NDE1: variants seen among roughly 807,000 people sequenced by gnomAD.
NDE1 encodes nuclear distribution protein nudE homolog 1.
In NDE1, 28 loss-of-function variants were observed where a neutral mutation model predicts 43.4. That is an observed-to-expected ratio of 0.65 (90% CI 0.48 to 0.89). The LOEUF (loss-of-function observed/expected upper bound fraction) is 0.89, where lower values mean the gene tolerates loss of function less well. NDE1 is among the 40% of genes least tolerant of loss of function. The pLI is 0.00. For synonymous variants in NDE1, 184 were observed against 172.0 expected (o/e 1.07, Z -0.55); for missense variants, 441 against 434.1 (o/e 1.02, Z -0.14).
chr16:15,699,074 C>T (rs1368322816), intron 8 of NDE1, among the ~76,000 whole-genome samples: 2 of 151,390 alleles, frequency 1.3e-5, no homozygotes, highest in African/African-American at 2.4e-5. Flanking sequence ...TTTATAGAAA[C>T]AGTCTTGCTA....
intron 1 of NDE1, among the ~76,000 whole-genome samples, chr16:15,655,735 TCC>T (rs1348392261): frequency 6.6e-6 from 1 of 151,958 alleles, no homozygotes; most frequent in African/African-American, 2.4e-5. Flanking sequence ...AACCCAAATG[TCC>T]AGCAATGATA....
intron 5 of NDE1, among the ~76,000 whole-genome samples, chr16:15,687,800 G>C (rs1384964132): frequency 6.6e-6 from 1 of 152,176 alleles, no homozygotes; most frequent in East Asian, 1.9e-4. Context: ...TCTGCCTCTG[G>C]GCAGCAGAAT....
chr16:15,718,667 C>T, intron 8 of NDE1: 1 of 613,972 alleles, frequency 1.6e-6, no homozygotes, highest in South Asian at 2.0e-5. Context: ...GACCAGCACA[C>T]TCCTCCCTGA....
At chr16:15,687,132 A>G (rs1441225107) in intron 4 of NDE1, 1 of 1,392,508 alleles carries the variant, frequency 7.2e-7, no homozygotes, top group Admixed American at 2.6e-5. Context: ...CTGTGTGGGC[A>G]GCATCTTATT....
chr16:15,650,414 G>C (rs368311870), intron 1 of NDE1, 120 bp downstream of exon 1: 1,638 of 162,276 alleles, frequency 0.01, 36 homozygotes, highest in African/African-American at 0.036. Flanking sequence ...GCCTGGCAGG[G>C]ACCCCTACGC....
At chr16:15,698,646 G>T (rs1361259186) in intron 8 of NDE1, among the ~76,000 whole-genome samples, 1 of 152,038 alleles carries the variant, frequency 6.6e-6, no homozygotes, top group African/African-American at 2.4e-5. Context: ...ATCACTTGAG[G>T]CCAGGAGTTC....
At chr16:15,686,952 C>T (rs2038468382) in intron 4 of NDE1, 1 of 983,124 alleles carries the variant, frequency 1.0e-6, no homozygotes, top group Admixed American at 6.2e-5. Context: ...CTGCCTCGGC[C>T]TCCCAAAGGG....
intron 3 of NDE1, among the ~76,000 whole-genome samples, chr16:15,677,087 A>T (rs549344698): frequency 2.4e-4 from 36 of 152,270 alleles, no homozygotes; most frequent in Non-Finnish European, 4.3e-4. Flanking sequence ...CACTCAGGAC[A>T]TAATTAAAAC....
At chr16:15,677,215 G>A (rs946337626) in intron 3 of NDE1, among the ~76,000 whole-genome samples, 7 of 151,966 alleles carry the variant, frequency 4.6e-5, no homozygotes, top group Admixed American at 3.9e-4. Flanking sequence ...CTTGTCTCCC[G>A]ATTGTGGTGG....
chr16:15,645,164 C>A (rs1365579880), intron 1 of NDE1, among the ~76,000 whole-genome samples: 1 of 152,156 alleles, frequency 6.6e-6, no homozygotes, highest in African/African-American at 2.4e-5. Flanking sequence ...AAGTGATCCT[C>A]CCGCCTCGGC....
rs2040720612 is a variant in NDE1, at chr16:15,725,701, C to T, written c.*1450C>T. On this transcript the variant is annotated 3_prime_UTR_variant, in exon 9 of 9. Coordinates refer to ENST00000396354, the MANE Select transcript of NDE1 (RefSeq NM_017668.3). ...AACATCTCACTTAATTCTTCCCTCG[C>T]CCCTTGGTCCCTGGCTGTGGACATG... The T allele has an allele frequency of 5.0e-6, 2 of 398,818 alleles. No individual in the cohort carries two copies. Among genetic ancestry groups the T allele is most frequent in the Non-Finnish European group, 8.8e-6 (2 of 226,316 alleles). The allele number at this position is 398,818 out of a possible 1,614,324, so 24.7% of individuals were successfully genotyped here. A position where few individuals can be genotyped will look rare whatever the true frequency, so the allele number is the denominator to read the frequency against.
intron 8 of NDE1, chr16:15,712,882 G>GTTTT (rs59799809): frequency 0.014 from 1,310 of 90,622 alleles, 207 homozygotes; most frequent in African/African-American, 0.054. Context: ...TTCACATACA[G>GTTTT]TTTTTTTTTT....
intron 8 of NDE1, among the ~76,000 whole-genome samples, chr16:15,699,071 A>G (rs1245199902): frequency 4.6e-5 from 7 of 150,818 alleles, no homozygotes; most frequent in South Asian, 4.2e-4. Flanking sequence ...TATTTTATAG[A>G]AACAGTCTTG....
chr16:15,667,032 A>G (rs1484704815), intron 2 of NDE1, among the ~76,000 whole-genome samples: 1 of 152,110 alleles, frequency 6.6e-6, no homozygotes, highest in Non-Finnish European at 1.5e-5. Flanking sequence ...GATCACCTCC[A>G]GTCAGGAGAT....
intron 3 of NDE1, chr16:15,672,643 C>T (rs1404301860): frequency 1.3e-5 from 2 of 152,200 alleles, no homozygotes; most frequent in East Asian, 1.9e-4. Context: ...TCGAATTAGC[C>T]CCAAATGGCA....
intron 8 of NDE1, chr16:15,721,059 C>T: frequency 6.2e-7 from 1 of 1,613,664 alleles, no homozygotes; most frequent in South Asian, 1.1e-5. Context: ...GACCTGCCGG[C>T]AGAGCGGGCA....
intron 8 of NDE1, among the ~76,000 whole-genome samples, chr16:15,700,651 A>G (rs755512120): frequency 1.3e-5 from 2 of 151,132 alleles, no homozygotes; most frequent in Non-Finnish European, 2.9e-5. Flanking sequence ...GGGTTTCACC[A>G]TGTTGGCCAT....
At chr16:15,652,885 C>T (rs1012967687) in intron 1 of NDE1, among the ~76,000 whole-genome samples, 1 of 152,066 alleles carries the variant, frequency 6.6e-6, no homozygotes, top group Admixed American at 6.6e-5. Flanking sequence ...AGGCTGGTCT[C>T]GAACTCCTGG....
chr16:15,704,163 C>A (rs1048424841), intron 8 of NDE1: 3 of 1,611,816 alleles, frequency 1.9e-6, no homozygotes, highest in African/African-American at 2.7e-5. Context: ...GCAAAGAAAT[C>A]TTCATGGTTG....
Sources: allele counts gnomAD v4.1 joint callset (sites outside exome capture counted in the v4.1 genomes callset), GRCh38; gene constraint gnomAD v4.1.1; transcripts MANE v1.5; gene names NCBI Gene and HGNC (gene_info 2026-07-23, HGNC 2026-07-21).